Variants in MAST4 observed in about 807,000 individuals in gnomAD.
MAST4 encodes microtubule-associated serine/threonine-protein kinase 4.
MAST4 carries 89 observed loss-of-function variants against 162.7 expected under a neutral mutation model. The observed-to-expected ratio is 0.55, with a 90% CI of 0.46 to 0.65. The LOEUF (loss-of-function observed/expected upper bound fraction) is 0.65, where lower values mean the gene tolerates loss of function less well. Among genes scored for constraint, MAST4 ranks in the 30% least tolerant of loss-of-function variants. MAST4 has a pLI of 0.00. For synonymous variants in MAST4, 1,479 were observed against 1,361.1 expected (o/e 1.09, Z -1.91); for missense variants, 3,153 against 3,374.0 (o/e 0.93, Z 1.62).
chr5:66,758,249 A>G (rs1199025565), intron 1 of MAST4, among the ~76,000 whole-genome samples: 1 of 151,954 alleles, frequency 6.6e-6, no homozygotes, highest in Non-Finnish European at 1.5e-5. Context: ...TAATGAATAC[A>G]GTTATGCTTA....
chr5:66,956,695 T>C (rs1208972609), intron 4 of MAST4, among the ~76,000 whole-genome samples: 2 of 152,204 alleles, frequency 1.3e-5, no homozygotes, highest in African/African-American at 2.4e-5. Context: ...ACATTACCAT[T>C]GTTGTTCCTA....
intron 4 of MAST4, among the ~76,000 whole-genome samples, chr5:66,901,276 G>A (rs1469648280): frequency 6.6e-6 from 1 of 151,700 alleles, no homozygotes; most frequent in Admixed American, 6.6e-5. Flanking sequence ...CTTGCTTTTA[G>A]CCTTTTTAAT....
At chr5:66,642,307 C>A (rs1318324895) in intron 1 of MAST4, among the ~76,000 whole-genome samples, 1 of 152,162 alleles carries the variant, frequency 6.6e-6, no homozygotes, top group Admixed American at 6.5e-5. Context: ...TATAGAGTTT[C>A]TTCAAATCAC....
chr5:66,761,409 G>T (rs886193412), intron 2 of MAST4, among the ~76,000 whole-genome samples: 3 of 152,140 alleles, frequency 2.0e-5, no homozygotes, highest in Non-Finnish European at 2.9e-5. Context: ...CTGAAAGCTG[G>T]ATTTCTGTTA....
intron 4 of MAST4, among the ~76,000 whole-genome samples, chr5:67,000,293 T>C (rs988378563): frequency 1.3e-5 from 2 of 152,240 alleles, no homozygotes; most frequent in Admixed American, 6.5e-5. Context: ...TTATTGGGCA[T>C]GGCCTCATGG....
intron 2 of MAST4, among the ~76,000 whole-genome samples, chr5:66,775,543 A>G (rs1283621044): frequency 2.0e-5 from 3 of 152,220 alleles, no homozygotes; most frequent in Non-Finnish European, 4.4e-5. Context: ...TCATGATGCT[A>G]ATCTTGGCTT....
chr5:66,896,237 C>T (rs1762674634), intron 3 of MAST4, among the ~76,000 whole-genome samples: 1 of 152,080 alleles, frequency 6.6e-6, no homozygotes, highest in Non-Finnish European at 1.5e-5. Flanking sequence ...TCACCTGAGG[C>T]TTTTTCACGA....
chr5:66,675,529 C>T (rs1000635576), intron 1 of MAST4, among the ~76,000 whole-genome samples: 5 of 145,002 alleles, frequency 3.4e-5, no homozygotes, highest in African/African-American at 1.4e-4. Flanking sequence ...GTCTCATGTA[C>T]AAGTCATAAC....
chr5:66,994,611 T>C (rs1009659599), intron 4 of MAST4, among the ~76,000 whole-genome samples: 1 of 152,220 alleles, frequency 6.6e-6, no homozygotes, highest in Non-Finnish European at 1.5e-5. Flanking sequence ...TTCTATAACA[T>C]GTATGACAGT....
At chr5:66,963,379 T>TAAGATTCTAATAAAATAGA (rs1214293375) in intron 4 of MAST4, among the ~76,000 whole-genome samples, 2 of 152,206 alleles carry the variant, frequency 1.3e-5, no homozygotes, top group Non-Finnish European at 2.9e-5. Flanking sequence ...TAATCTAGAA[T>TAAGATTCTAATAAAATAGA]AAAATATACT....
intron 1 of MAST4, among the ~76,000 whole-genome samples, chr5:66,694,517 C>G (rs944523237): frequency 6.6e-6 from 1 of 151,350 alleles, no homozygotes; most frequent in African/African-American, 2.4e-5. Flanking sequence ...GTTGGAATCT[C>G]GCTGTGTTGA....
At chr5:66,969,051 C>T (rs962047524) in intron 4 of MAST4, among the ~76,000 whole-genome samples, 1 of 152,164 alleles carries the variant, frequency 6.6e-6, no homozygotes, top group African/African-American at 2.4e-5. Flanking sequence ...TAACTAGGTA[C>T]TAAATAAATT....
rs533734352 is a variant in MAST4, at chr5:66,965,975, G to T, written c.674+65993G>T. ...AATCTATAATGAGTAACAGGTCTGGGAGTAGGACAATTGCAATAAACTAAA... is the reference window on the plus strand; with the variant it reads ...AATCTATAATGAGTAACAGGTCTGGTAGTAGGACAATTGCAATAAACTAAA... On this transcript the variant is annotated intron_variant, in intron 4 of 28. Transcript: ENST00000403625. 2.0e-5 allele frequency among the ~76,000 whole-genome samples: 3 copies of T among 152,298 alleles called. No individual in the cohort carries two copies. The East Asian group carries it at 5.8e-4, about 29-fold the overall frequency.
At chr5:67,133,485 A>T (rs767042551) in intron 16 of MAST4, 29 bp from the exon 17 acceptor site, 6 of 1,610,148 alleles carry the variant, frequency 3.7e-6, no homozygotes, top group Non-Finnish European at 5.1e-6. Context: ...TAAAGTGATT[A>T]TTGTGTTACA....
rs34672013 is a variant in MAST4 at position 66,820,863 on chromosome 5, G to A, written c.642+32069G>A. The stretch of plus-strand genomic sequence containing the variant: ...TCATATTGTCAGTAGTGATTTGATG[G>A]CTAATATGCCAGAAATAATAAGAGA... On this transcript the variant is annotated intron_variant, in intron 3 of 28. Coordinates refer to ENST00000403625, the MANE Select transcript of MAST4 (RefSeq NM_001164664.2). Among the ~76,000 whole-genome samples the A allele has an allele frequency of 7.5e-3, 1,142 of 152,106 alleles. 9 individuals are homozygous for A. The highest frequency in any genetic ancestry group is 0.038 in the South Asian group (183 of 4,818).
chr5:67,040,144 T>G (rs891091538), intron 4 of MAST4, among the ~76,000 whole-genome samples: 4 of 152,174 alleles, frequency 2.6e-5, no homozygotes, highest in Non-Finnish European at 5.9e-5. Context: ...ATATCACAAA[T>G]CTGATTTCTG....
chr5:66,715,287 C>G (rs1750746827), intron 1 of MAST4, among the ~76,000 whole-genome samples: 1 of 152,002 alleles, frequency 6.6e-6, no homozygotes, highest in African/African-American at 2.4e-5. Context: ...AGTCCTTTTG[C>G]AAATCAAATG....
At chr5:67,023,497 T>C (rs865974273) in intron 4 of MAST4, among the ~76,000 whole-genome samples, 1 of 152,138 alleles carries the variant, frequency 6.6e-6, no homozygotes, top group Non-Finnish European at 1.5e-5. Flanking sequence ...AGCCCATTGC[T>C]TCAAGACCTT....
At position 66,791,054 on chromosome 5, in the gene MAST4, G is replaced by A. The variant is rs573444780; in HGVS notation, c.642+2260G>A. On this transcript the variant is annotated intron_variant, in intron 3 of 28. Coordinates refer to ENST00000403625, the MANE Select transcript of MAST4 (RefSeq NM_001164664.2). The stretch of plus-strand genomic sequence containing the variant: ...TGTTTGTTTTTTGAGATGGAGTTTC[G>A]CTCCTGTTGCCCAGGCTGGAGTGCA... 4.6e-5 allele frequency among the ~76,000 whole-genome samples: 7 copies of A among 151,742 alleles called. No homozygotes were observed. The South Asian group carries it at 6.3e-4, about 14-fold the overall frequency.
Sources: allele counts gnomAD v4.1 joint callset (sites outside exome capture counted in the v4.1 genomes callset), GRCh38; gene constraint gnomAD v4.1.1; transcripts MANE v1.5; gene names NCBI Gene and HGNC (gene_info 2026-07-23, HGNC 2026-07-21).